BCL3: variants seen among roughly 807,000 people sequenced by gnomAD.
BCL3 encodes the protein BCL3 transcription coactivator.
Under a neutral mutation model 35.7 loss-of-function variants are expected in BCL3, and 15 were observed. The ratio of observed to expected loss-of-function variants is 0.42; its 90% confidence interval spans 0.28 to 0.65. The LOEUF is 0.65. BCL3 is among the 30% of genes least tolerant of loss of function. The pLI is 0.22. For missense variants in BCL3, 565 were observed against 641.7 expected (o/e 0.88, Z 1.29); for synonymous variants, 311 against 284.3 (o/e 1.09, Z -0.95).
chr19:44,757,457 AGGGGCGGGGTCTTGGCG>A lies in BCL3; in HGVS notation c.813+52_813+68del, dbSNP rs772883782. ...AGCTGGGAGGGAGCGGGGCCTTAGCAGGGGCGGGGTCTTGGCGGGGGCGGGGCCAGTGTGGGGCTGGC... is the reference window on the plus strand; with the variant it reads ...AGCTGGGAGGGAGCGGGGCCTTAGCAGGGGCGGGGCCAGTGTGGGGCTGGC... On this transcript the variant is annotated intron_variant, in intron 5 of 8. Coordinates refer to ENST00000164227, the MANE Select transcript of BCL3 (RefSeq NM_005178.5). The surrounding 1 kb of genome is among the most constrained non-coding windows in gnomAD (Gnocchi z 8.4). 2.2e-5 allele frequency: 8 copies of A among 360,316 alleles called. No homozygotes were observed. The South Asian group carries it at 2.5e-4, about 11-fold the overall frequency. The allele number at this position is 360,316 out of a possible 1,614,324, so 22.3% of individuals were successfully genotyped here.
chr19:44,751,270 G>T lies in BCL3; in HGVS notation c.300G>T (p.Pro100=). The change falls in exon 2 of 9, where the codon CCG becomes CCT. Residue 100 remains proline (P), a synonymous_variant. Transcript: ENST00000164227. The part of the protein sequence containing the change: ...PLYPTRAMGS[P]FPLVNLPTPL... The stretch of plus-strand genomic sequence containing the variant: ...ACCCCACTCGGGCCATGGGCTCCCC[G>T]TTTCCTCTGGTGAACCTGCCTACAC... 6.2e-7 allele frequency: 1 copy of T among 1,610,942 alleles called. No individual in the cohort carries two copies. The highest frequency in any genetic ancestry group is 1.7e-5 in the Admixed American group (1 of 59,378).
intron 2 of BCL3, among the ~76,000 whole-genome samples, chr19:44,752,640 T>A (rs1967202950): frequency 6.6e-6 from 1 of 152,226 alleles, no homozygotes; most frequent in East Asian, 1.9e-4. Context: ...CTGAAGAACA[T>A]GTTTGTGAGG....
Position 44,758,830 on chromosome 19 carries a change from T to TCAG in BCL3, c.1168_1170dup (p.Ser391dup). The TCAG allele has an allele frequency of 1.9e-6, 3 of 1,595,728 alleles. No homozygotes were observed. Among genetic ancestry groups the TCAG allele is most frequent in the Non-Finnish European group, 2.6e-6 (3 of 1,172,712 alleles). ...ACCTCCCCCGAGAGCAGCAGCCGCC[T>TCAG]CAGCTCCAATGGTGAGAAACCGTTC... On this transcript the variant is annotated inframe_insertion, in exon 8 of 9. Transcript: ENST00000164227.
At position 44,758,854 on chromosome 19, in the gene BCL3, T is replaced by C. The variant is rs150837432; in HGVS notation, c.1177+13T>C. 696 of 1,568,302 alleles carry C rather than the reference T, an allele frequency of 4.4e-4. No individual in the cohort carries two copies. The highest frequency in any genetic ancestry group is 5.5e-4 in the Non-Finnish European group (641 of 1,158,738). On this transcript the variant is annotated intron_variant, in intron 8 of 8. Transcript: ENST00000164227. ...CTCAGCTCCAATGGTGAGAAACCGT[T>C]CCCAACCTCCAGCCCTGGCGCCTCC...
chr19:44,754,203 A>G (rs1378561237), intron 2 of BCL3, among the ~76,000 whole-genome samples: 1 of 152,106 alleles, frequency 6.6e-6, no homozygotes, highest in Non-Finnish European at 1.5e-5. Flanking sequence ...AGTTAGGGCT[A>G]TTTCTGGCTC....
At chr19:44,748,416 A>T (rs1291015329), upstream of BCL3, 4 of 156,528 alleles carry the variant, frequency 2.6e-5, no homozygotes, top group African/African-American at 9.6e-5. Context: ...CCTTGGCAGC[A>T]GGGGTGGGGA....
In BCL3 at chr19:44,758,730, G is replaced by C; in HGVS notation, c.1066G>C (p.Asp356His). The change falls in exon 8 of 9, where the codon GAC becomes CAC. Residue 356 changes from aspartate (D) to histidine (H), a missense_variant. Asp to His is a moderately conservative substitution (Grantham distance 81, BLOSUM62 -1). Coordinates refer to ENST00000164227, the MANE Select transcript of BCL3 (RefSeq NM_005178.5). ...LMVARSRRVI[D>H]ILRGKATRPA... is the part of the protein sequence containing the mutation. The stretch of plus-strand genomic sequence containing the variant: ...CACGCCCATCTTCCTACAGGTCATC[G>C]ACATCCTGAGGGGGAAGGCCACCCG... The C allele has an allele frequency of 6.3e-7, 1 of 1,598,060 alleles. No homozygotes were observed. The highest frequency in any genetic ancestry group is 8.5e-7 in the Non-Finnish European group (1 of 1,173,140).
At position 44,757,269 on chromosome 19, in the gene BCL3, G is replaced by C; in HGVS notation, c.724+48G>C. Reference sequence around the variant, plus strand: ...CGCTGGGCTGTCCAGCGGACCTGGAGTCCATCAGCGGCCGCAAAGCCCGGG... The same window carrying C: ...CGCTGGGCTGTCCAGCGGACCTGGACTCCATCAGCGGCCGCAAAGCCCGGG... On this transcript the variant is annotated intron_variant, in intron 4 of 8. Coordinates refer to ENST00000164227, the MANE Select transcript of BCL3 (RefSeq NM_005178.5). The surrounding 1 kb of genome is among the most constrained non-coding windows in gnomAD (Gnocchi z 8.4). 6.4e-7 allele frequency: 1 copy of C among 1,559,430 alleles called. No homozygotes were observed.
rs749562814 is a variant in BCL3 at position 44,759,583 on chromosome 19, G to A, written c.1333G>A (p.Val445Met). ...GGTCCTCCGAGGCCCTGGCCGGCCG[G>A]TGCCCCCCTCCCCAGCTCCAGGAGG... is the stretch of plus-strand genomic sequence containing the variant. ...AGVLRGPGRP[V>M]PPSPAPGGS Residue 445 changes from valine to methionine, a missense_variant, in exon 9 of 9, where the codon GTG becomes ATG. Around this residue, in one of 5 missense-constraint regions of BCL3, gnomAD observed 151 missense variants for 138.1 expected, o/e 1.09. Transcript: ENST00000164227. 10 of 1,608,490 alleles carry A rather than the reference G, an allele frequency of 6.2e-6. No individual in the cohort carries two copies. The highest frequency in any genetic ancestry group is 3.4e-6 in the Non-Finnish European group (4 of 1,178,868).
Position 44,749,182 on chromosome 19 carries a change from T to A in BCL3, c.256+136T>A, listed in dbSNP as rs7257231. On this transcript the variant is annotated intron_variant, in intron 1 of 8. Transcript: ENST00000164227. ...GGGACAAGAGGATATAAGCCCAGGT[T>A]CCAAGGATATAGATATGAGATCATC... is the stretch of plus-strand genomic sequence containing the variant. 84,179 of 331,556 alleles carry A rather than the reference T, an allele frequency of 0.25. 11,210 individuals carry two copies. Among genetic ancestry groups the A allele is most frequent in the Middle Eastern group, 0.34 (377 of 1,100 alleles). 20.5% of individuals were successfully genotyped at this position (331,556 alleles called of 1,614,324 possible).
Position 44,748,920 on chromosome 19 carries a change from C to A in BCL3, c.130C>A (p.Pro44Thr), listed in dbSNP as rs1967120125. ...KRPLRAPSPEPAAPRGAAGLV... is the reference protein window; with the variant it reads ...KRPLRAPSPETAAPRGAAGLV... ...CCCGCTGCGCGCGCCCTCCCCGGAGCCCGCCGCTCCCCGCGGCGCTGCGGG... is the reference window on the plus strand; with the variant it reads ...CCCGCTGCGCGCGCCCTCCCCGGAGACCGCCGCTCCCCGCGGCGCTGCGGG... The change falls in exon 1 of 9, where the codon CCC becomes ACC. Residue 44 changes from proline to threonine, a missense_variant. Around this residue, in one of 5 missense-constraint regions of BCL3, gnomAD observed 267 missense variants for 281.5 expected, o/e 0.95. Transcript: ENST00000164227. 1.7e-6 allele frequency: 2 copies of A among 1,170,982 alleles called. No homozygotes were observed. The highest frequency in any genetic ancestry group is 4.6e-5 in the Admixed American group (1 of 21,854). 72.5% of individuals were successfully genotyped at this position (1,170,982 alleles called of 1,614,324 possible). A position where few individuals can be genotyped will look rare whatever the true frequency, so the allele number is the denominator to read the frequency against.
chr19:44,751,078 A>T (rs990014391), intron 1 of BCL3, 149 bp from the exon 2 acceptor site: 3 of 966,974 alleles, frequency 3.1e-6, no homozygotes, highest in African/African-American at 3.4e-5. Context: ...GGTTTGTTTT[A>T]GGCCCTGAGG....
At chr19:44,756,866 G>C in intron 3 of BCL3, 151 bp from the exon 4 acceptor site, 1 of 726,278 alleles carries the variant, frequency 1.4e-6, no homozygotes, top group Non-Finnish European at 2.2e-6. Flanking sequence ...GGAGCATGGG[G>C]CCCGGACTCT....
chr19:44,753,838 G>T (rs946505724), intron 2 of BCL3, among the ~76,000 whole-genome samples: 6 of 134,760 alleles, frequency 4.5e-5, no homozygotes, highest in African/African-American at 7.8e-5. Flanking sequence ...CGGGGGGGGG[G>T]GGTGATGTTC....
At chr19:44,751,979 A>T (rs1406671091) in intron 2 of BCL3, among the ~76,000 whole-genome samples, 1 of 152,132 alleles carries the variant, frequency 6.6e-6, no homozygotes, top group African/African-American at 2.4e-5. Context: ...TTCATTGATT[A>T]ACTTACTATA....
At position 44,756,317 on chromosome 19, in the gene BCL3, G is replaced by A. The variant is rs774033551; in HGVS notation, c.496G>A (p.Asp166Asn). 4.5e-5 allele frequency: 69 copies of A among 1,535,590 alleles called. 1 individual carries two copies. The highest frequency in any genetic ancestry group is 6.2e-5 in the South Asian group (5 of 80,698). ...CTTCCAGCAGGGGGGCCGGGAGCTC[G>A]ACATCTACAACAACCTACGGCAGGT... The part of the protein sequence containing the change: ...NLFQQGGREL[D>N]IYNNLRQTPL... The change falls in exon 3 of 9, where the codon GAC becomes AAC. Residue 166 changes from aspartate to asparagine, a missense_variant. Asp to Asn is a conservative substitution (Grantham distance 23). Coordinates refer to ENST00000164227, the MANE Select transcript of BCL3 (RefSeq NM_005178.5).
intron 2 of BCL3, among the ~76,000 whole-genome samples, chr19:44,755,680 G>A (rs1165906563): frequency 1.3e-5 from 2 of 152,188 alleles, no homozygotes; most frequent in Non-Finnish European, 1.5e-5. Flanking sequence ...GGGAGGCTGA[G>A]GCTGAGGCAG....
In BCL3 at chr19:44,749,046, G is replaced by T; in HGVS notation, c.256G>T (p.Gly86Ter). Residue 86 changes from glycine to a stop codon, truncating the protein, a stop_gained and splice_region_variant, in exon 1 of 9, where the codon GGA (glycine) becomes TGA (stop). Coordinates refer to ENST00000164227, the MANE Select transcript of BCL3 (RefSeq NM_005178.5). LOFTEE classifies it high-confidence loss of function. ...LARPEALYYP[G>*]ALLPLYPTRA... is the part of the protein sequence containing the mutation. ...CCGGCCGGAGGCGCTTTACTACCCCGGTGAGTGGCCCCCGAGGGTCCGGGC... is the reference window on the plus strand; with the variant it reads ...CCGGCCGGAGGCGCTTTACTACCCCTGTGAGTGGCCCCCGAGGGTCCGGGC... 7.5e-7 allele frequency: 1 copy of T among 1,334,160 alleles called. No individual in the cohort carries two copies. Among genetic ancestry groups the T allele is most frequent in the Non-Finnish European group, 9.6e-7 (1 of 1,043,784 alleles). 82.6% of individuals were successfully genotyped at this position (1,334,160 alleles called of 1,614,324 possible). A position where few individuals can be genotyped will look rare whatever the true frequency, so the allele number is the denominator to read the frequency against.
chr19:44,747,754 C>A, upstream of BCL3: 1 of 1,010,646 alleles, frequency 9.9e-7, no homozygotes, highest in Non-Finnish European at 1.2e-6. Flanking sequence ...CTGACTCTGG[C>A]CTGGTGTCCG....
Sources: gnomAD v4.1 joint callset for allele counts (sites outside exome capture counted in the v4.1 genomes callset) on GRCh38, gnomAD v4.1.1 for gene constraint, gnomAD v4.1.1 regional missense constraint, Gnocchi (gnomAD v3.1) non-coding constraint, MANE v1.5 for transcripts, NCBI Gene and HGNC (gene_info 2026-07-23, HGNC 2026-07-21) for gene names.